Variants in TAOK3 observed in about 807,000 individuals in gnomAD.
TAOK3 encodes the protein TAO kinase 3, also known as serine/threonine-protein kinase TAO3.
TAOK3 carries 40 observed loss-of-function variants against 120.4 expected under a neutral mutation model. The ratio of observed to expected loss-of-function variants is 0.33; its 90% confidence interval spans 0.26 to 0.43. The LOEUF (loss-of-function observed/expected upper bound fraction) is 0.43. TAOK3 is among the 20% of genes least tolerant of loss of function. The pLI is 1.00. For synonymous variants in TAOK3, 355 were observed against 387.5 expected, an observed-to-expected ratio of 0.92 and a Z score of 0.99; for missense variants, 821 against 1,112.1, an observed-to-expected ratio of 0.74 and a Z score of 3.72.
chr12:118,296,003 GGAT>G (rs1369042499), intron 1 of TAOK3, among the ~76,000 whole-genome samples: 1 of 152,152 alleles, frequency 6.6e-6, no homozygotes, highest in Non-Finnish European at 1.5e-5. Context: ...GAAAGTCCTA[GGAT>G]GATACATTGA....
intron 2 of TAOK3, among the ~76,000 whole-genome samples, chr12:118,262,071 G>C (rs2041253826): frequency 6.6e-6 from 1 of 152,120 alleles, no homozygotes; most frequent in Admixed American, 6.5e-5. Flanking sequence ...ACATTGGCCA[G>C]GCTGGTCTCA....
intron 3 of TAOK3, chr12:118,246,160 G>A: frequency 4.2e-6 from 6 of 1,445,438 alleles, no homozygotes; most frequent in South Asian, 1.2e-5. Flanking sequence ...GGTGGCTTCC[G>A]CGGAGGTTTC....
chr12:118,321,608 G>A (rs767659945), intron 1 of TAOK3, among the ~76,000 whole-genome samples: 3 of 151,966 alleles, frequency 2.0e-5, no homozygotes, highest in Non-Finnish European at 2.9e-5. Flanking sequence ...TTTTGCCTTC[G>A]ACTCATAATT....
At chr12:118,287,176 C>T (rs983941563) in intron 1 of TAOK3, among the ~76,000 whole-genome samples, 1 of 152,124 alleles carries the variant, frequency 6.6e-6, no homozygotes, top group Non-Finnish European at 1.5e-5. Context: ...AGAACTTACT[C>T]ATGTCACCAA....
chr12:118,282,952 G>A (rs1336839593), intron 1 of TAOK3, among the ~76,000 whole-genome samples: 4 of 152,140 alleles, frequency 2.6e-5, no homozygotes, highest in Non-Finnish European at 5.9e-5. Context: ...TCAAGCAATA[G>A]GCAACCACAC....
chr12:118,243,994 T>C (rs1007073581), intron 4 of TAOK3, among the ~76,000 whole-genome samples: 2 of 152,196 alleles, frequency 1.3e-5, no homozygotes, highest in African/African-American at 4.8e-5. Context: ...ATGCCATTTC[T>C]TTAGTTTGAA....
chr12:118,236,392 A>G (rs1334930984), intron 7 of TAOK3: 1 of 152,208 alleles, frequency 6.6e-6, no homozygotes, highest in Non-Finnish European at 1.5e-5. Context: ...TAATAGAGGT[A>G]TTATATAGCA....
intron 11 of TAOK3, among the ~76,000 whole-genome samples, chr12:118,206,454 C>T (rs1267967456): frequency 6.6e-6 from 1 of 152,154 alleles, no homozygotes; most frequent in East Asian, 1.9e-4. Context: ...AGGTTTAAAT[C>T]TAGTCATTGC....
At chr12:118,181,691 T>C (rs962179687) in intron 14 of TAOK3, 84 bp from the exon 15 acceptor site, 11 of 1,169,510 alleles carry the variant, frequency 9.4e-6, no homozygotes, top group Admixed American at 9.0e-5. Context: ...CCCTGTGGCA[T>C]AATTTTATCC....
chr12:118,233,769 C>G lies in TAOK3; in HGVS notation c.552-4G>C, dbSNP rs1369686624. 1 of 1,593,440 alleles carries G rather than the reference C, an allele frequency of 6.3e-7. No homozygotes were observed. The highest frequency in any genetic ancestry group is 1.4e-5 in the African/African-American group (1 of 73,686). On this transcript the variant is annotated splice_region_variant and splice_polypyrimidine_tract_variant and intron_variant, in intron 8 of 20. Transcript: ENST00000392533. ...TAAGATCACCTCTGGAGCCATCCTA[C>G]CAAACATAAGGTACAAAACTCAAGT...
intron 11 of TAOK3, among the ~76,000 whole-genome samples, chr12:118,207,858 T>TCTCACACACACACACACACA (rs147799225): frequency 6.9e-6 from 1 of 144,350 alleles, no homozygotes; most frequent in African/African-American, 2.6e-5. Flanking sequence ...AGACTCTGTC[T>TCTCACACACACACACACACA]CACACACACA....
chr12:118,361,914 A>AAAT (rs78087373), intron 1 of TAOK3, among the ~76,000 whole-genome samples: 6 of 143,684 alleles, frequency 4.2e-5, no homozygotes, highest in Non-Finnish European at 6.1e-5. Flanking sequence ...CTATTAATAA[A>AAAT]AATAATAATA....
At chr12:118,151,260 ATAGG>A in intron 20 of TAOK3, 102 bp from the exon 21 acceptor site, 1 of 1,219,588 alleles carries the variant, frequency 8.2e-7, no homozygotes, top group Non-Finnish European at 1.2e-6. Flanking sequence ...GCACACACAC[ATAGG>A]CACACACATG....
intron 1 of TAOK3, among the ~76,000 whole-genome samples, chr12:118,285,615 A>G (rs1339215166): frequency 6.6e-6 from 1 of 152,156 alleles, no homozygotes; most frequent in Non-Finnish European, 1.5e-5. Context: ...GGCCTCCCAA[A>G]GTGCTGGGAT....
chr12:118,266,723 CTTTTA>C lies in TAOK3; in HGVS notation c.-162_-158del, dbSNP rs1400903892. On this transcript the variant is annotated 5_prime_UTR_variant, in exon 2 of 21. Transcript: ENST00000392533. ...TTTTAGCAGCAAACTTCTCTTTTCTCTTTTATAACTTCAGTCCTTTGTATTTATGA... is the reference window on the plus strand; with the variant it reads ...TTTTAGCAGCAAACTTCTCTTTTCTCTAACTTCAGTCCTTTGTATTTATGA... 2.8e-5 allele frequency: 11 copies of C among 397,718 alleles called. No individual in the cohort carries two copies. Among genetic ancestry groups the C allele is most frequent in the Non-Finnish European group, 4.4e-5 (10 of 225,680 alleles). The allele number at this position is 397,718 out of a possible 1,614,324, so 24.6% of individuals were successfully genotyped here.
At chr12:118,292,255 T>G (rs1357513286) in intron 1 of TAOK3, among the ~76,000 whole-genome samples, 8 of 152,214 alleles carry the variant, frequency 5.3e-5, no homozygotes, top group Non-Finnish European at 8.8e-5. Flanking sequence ...CATTGATTTA[T>G]AGGGCTTCAT....
chr12:118,164,288 C>G (rs1357732638), intron 17 of TAOK3, among the ~76,000 whole-genome samples: 1 of 151,244 alleles, frequency 6.6e-6, no homozygotes, highest in Non-Finnish European at 1.5e-5. Context: ...GATCGCGCCA[C>G]TGCACTCCAG....
At chr12:118,246,374 C>T (rs1033954250) in intron 3 of TAOK3, 2 of 1,592,692 alleles carry the variant, frequency 1.3e-6, no homozygotes, top group Admixed American at 1.7e-5. Context: ...TTGATTTCTT[C>T]CTGGGGGCCT....
intron 19 of TAOK3, among the ~76,000 whole-genome samples, chr12:118,153,107 C>G (rs1566218827): frequency 6.6e-6 from 1 of 152,170 alleles, no homozygotes; most frequent in African/African-American, 2.4e-5. Context: ...TCCAAAACTC[C>G]AAATGGTTCA....
Sources: allele counts gnomAD v4.1 joint callset (sites outside exome capture counted in the v4.1 genomes callset), GRCh38; gene constraint gnomAD v4.1.1; transcripts MANE v1.5; gene names NCBI Gene and HGNC (gene_info 2026-07-23, HGNC 2026-07-21).